Variants in C12orf42 observed in about 807,000 individuals in gnomAD.
C12orf42 encodes uncharacterized protein C12orf42.
Under a neutral mutation model 21.6 loss-of-function variants are expected in C12orf42, and 25 were observed. The observed-to-expected ratio is 1.16, with a 90% CI of 0.84 to 1.62. C12orf42 has a LOEUF of 1.62. Ranked by LOEUF, C12orf42 falls within the 40% of genes most tolerant of loss-of-function variation. The pLI, the probability that C12orf42 is intolerant of heterozygous loss-of-function variation, is 0.00. For missense variants in C12orf42, 483 were observed against 459.3 expected, an observed-to-expected ratio of 1.05 and a Z score of -0.47; for synonymous variants, 174 against 175.0, an observed-to-expected ratio of 0.99 and a Z score of 0.05.
intron 1 of C12orf42, among the ~76,000 whole-genome samples, chr12:103,492,739 G>A (rs1955261804): frequency 6.6e-6 from 1 of 152,118 alleles, no homozygotes; most frequent in African/African-American, 2.4e-5. Flanking sequence ...TGAGGGCATA[G>A]GGCAAGTCAA....
chr12:103,109,208 T>G, the C12orf42 span, among the ~76,000 whole-genome samples: 1 of 152,166 alleles, frequency 6.6e-6, no homozygotes, highest in Non-Finnish European at 1.5e-5. Flanking sequence ...AAAGCTAGAT[T>G]AATAAAATCT....
the C12orf42 span, among the ~76,000 whole-genome samples, chr12:103,085,730 C>A: frequency 6.6e-6 from 1 of 152,118 alleles, no homozygotes; most frequent in Admixed American, 6.5e-5. Context: ...TAGTAGGCCT[C>A]AGCTTTCATT....
chr12:103,543,702 C>T, the C12orf42 span, among the ~76,000 whole-genome samples: 1 of 151,832 alleles, frequency 6.6e-6, no homozygotes, highest in Non-Finnish European at 1.5e-5. Context: ...TCTGTCTTAG[C>T]TTATCACCAT....
intron 1 of C12orf42, among the ~76,000 whole-genome samples, chr12:103,487,758 T>C (rs1401403830): frequency 6.6e-6 from 1 of 152,216 alleles, no homozygotes; most frequent in Non-Finnish European, 1.5e-5. Context: ...GTCTGTTTTA[T>C]TCAAGACTAG....
chr12:103,138,597 C>G, the C12orf42 span, among the ~76,000 whole-genome samples: 1 of 152,174 alleles, frequency 6.6e-6, no homozygotes, highest in Non-Finnish European at 1.5e-5. Context: ...TGAGAATGCA[C>G]TAATACACTA....
chr12:103,521,359 A>G, the C12orf42 span, among the ~76,000 whole-genome samples: 4 of 152,350 alleles, frequency 2.6e-5, no homozygotes, highest in South Asian at 8.3e-4. Flanking sequence ...CATTTAAAAA[A>G]GCGAGATCAT....
intron 10 of C12orf42, among the ~76,000 whole-genome samples, chr12:103,244,089 T>C (rs1442493780): frequency 1.3e-5 from 2 of 152,152 alleles, no homozygotes; most frequent in Non-Finnish European, 2.9e-5. Flanking sequence ...AATAGGAATC[T>C]GACCTCAGAC....
At chr12:103,493,226 C>T (rs1955294842) in intron 1 of C12orf42, among the ~76,000 whole-genome samples, 1 of 152,186 alleles carries the variant, frequency 6.6e-6, no homozygotes, top group Non-Finnish European at 1.5e-5. Flanking sequence ...CCAGTATTTT[C>T]CCACATCTGA....
chr12:103,417,725 G>A (rs545863447), intron 2 of C12orf42, among the ~76,000 whole-genome samples: 5 of 152,292 alleles, frequency 3.3e-5, no homozygotes, highest in South Asian at 2.1e-4. Flanking sequence ...CTGGGTAGAC[G>A]TTTGCACAAG....
the C12orf42 span, among the ~76,000 whole-genome samples, chr12:103,536,056 C>T: frequency 6.6e-6 from 1 of 152,164 alleles, no homozygotes; most frequent in Non-Finnish European, 1.5e-5. Context: ...GCTAGGATTA[C>T]AGGCATGAAC....
At chr12:103,268,538 C>T (rs1015973755), downstream of C12orf42, 1 of 150,792 alleles carries the variant, frequency 6.6e-6, no homozygotes, top group Non-Finnish European at 1.5e-5. Flanking sequence ...AAGCTCATGA[C>T]GTCTTTAAAG....
At chr12:103,294,454 G>GA (rs1233144176) in intron 4 of C12orf42, among the ~76,000 whole-genome samples, 3 of 112,064 alleles carry the variant, frequency 2.7e-5, no homozygotes, top group African/African-American at 1.2e-4. Context: ...AAGAAAGAAA[G>GA]AAAGAAAGAA....
At chr12:103,553,026 T>A in the C12orf42 span, among the ~76,000 whole-genome samples, 1 of 152,146 alleles carries the variant, frequency 6.6e-6, no homozygotes. Context: ...GGTCTCTCCC[T>A]TAACACCTGG....
intron 1 of C12orf42, among the ~76,000 whole-genome samples, chr12:103,485,091 A>C (rs955378973): frequency 9.2e-5 from 14 of 151,896 alleles, no homozygotes; most frequent in African/African-American, 3.1e-4. Context: ...GGATGGTCTC[A>C]ATCTCCTGAT....
intron 1 of C12orf42, among the ~76,000 whole-genome samples, chr12:103,481,341 T>G (rs1411296061): frequency 6.6e-6 from 1 of 151,874 alleles, no homozygotes; most frequent in Non-Finnish European, 1.5e-5. Context: ...AAGGAAAAAC[T>G]TGTCCTCTAA....
intron 2 of C12orf42, among the ~76,000 whole-genome samples, chr12:103,429,986 C>T (rs576389229): frequency 6.6e-6 from 1 of 152,272 alleles, no homozygotes; most frequent in Admixed American, 6.5e-5. Flanking sequence ...GGATTAAACA[C>T]TTAAACATAA....
At chr12:103,435,916 C>T (rs1168360179) in intron 2 of C12orf42, among the ~76,000 whole-genome samples, 3 of 147,278 alleles carry the variant, frequency 2.0e-5, no homozygotes, top group Non-Finnish European at 3.0e-5. Flanking sequence ...CAAAGATACT[C>T]CTCGAGAAGA....
chr12:103,440,744 A>C (rs941548225), intron 2 of C12orf42, among the ~76,000 whole-genome samples: 1 of 152,158 alleles, frequency 6.6e-6, no homozygotes, highest in African/African-American at 2.4e-5. Flanking sequence ...ATGAGGTACA[A>C]CACCACACCG....
At chr12:103,281,868 GAGAGA>G (rs953427399) in intron 4 of C12orf42, among the ~76,000 whole-genome samples, 2 of 149,232 alleles carry the variant, frequency 1.3e-5, no homozygotes, top group Non-Finnish European at 3.0e-5. Flanking sequence ...TATGGAGAGA[GAGAGA>G]AAAGAGAAAG....
Sources: gnomAD v4.1 joint callset for allele counts (sites outside exome capture counted in the v4.1 genomes callset) on GRCh38, gnomAD v4.1.1 for gene constraint, MANE v1.5 for transcripts, NCBI Gene and HGNC (gene_info 2026-07-23, HGNC 2026-07-21) for gene names.